The following FANCI variants were observed in gnomAD, a reference collection of about 807,000 sequenced individuals.
FANCI encodes the protein FA complementation group I, also known as Fanconi anemia group I protein.
A neutral mutation model predicts 176.1 loss-of-function variants in FANCI; 156 were observed. The observed-to-expected ratio is 0.89, with a 90% confidence interval of 0.78 to 1.01. The LOEUF (loss-of-function observed/expected upper bound fraction) is 1.01. Among genes scored for constraint, FANCI ranks in the 50% least tolerant of loss-of-function variants. The pLI is 0.00. For missense variants in FANCI, 1,678 were observed against 1,534.1 expected (o/e 1.09, Z -1.57); for synonymous variants, 613 against 541.7 (o/e 1.13, Z -1.83).
chr15:89,285,749 A>G (rs1353702656), intron 18 of FANCI, among the ~76,000 whole-genome samples: 1 of 151,778 alleles, frequency 6.6e-6, no homozygotes, highest in African/African-American at 2.4e-5. Flanking sequence ...TTGCTTTGTT[A>G]ATGATTACAA....
In FANCI at chr15:89,250,528, C is replaced by T. The variant is rs1194052806; in HGVS notation, c.84+2797C>T. Among the ~76,000 whole-genome samples, 4 of 139,038 alleles carry T rather than the reference C, an allele frequency of 2.9e-5. No homozygotes were observed. The East Asian group carries it at 8.5e-4, about 30-fold the overall frequency. 91.2% of individuals were successfully genotyped at this position (139,038 alleles called of 152,430 possible). On this transcript the variant is annotated intron_variant, in intron 2 of 37. Coordinates refer to ENST00000310775, the MANE Select transcript of FANCI (RefSeq NM_001113378.2). Reference sequence around the variant, plus strand: ...CTTGGACACGGGAATGGGAACATCACACACCGGGGCCTGTTGTGGAGTGAG... The same window carrying T: ...CTTGGACACGGGAATGGGAACATCATACACCGGGGCCTGTTGTGGAGTGAG...
intron 26 of FANCI, 56 bp from the exon 27 acceptor site, chr15:89,301,270 T>G: frequency 8.6e-7 from 1 of 1,163,366 alleles, no homozygotes; most frequent in Non-Finnish European, 1.3e-6. Flanking sequence ...TGCCTCTTCT[T>G]CCTGATAGGA....
At chr15:89,297,799 TG>T (rs1325917403) in intron 24 of FANCI, among the ~76,000 whole-genome samples, 1 of 147,880 alleles carries the variant, frequency 6.8e-6, no homozygotes, top group Non-Finnish European at 1.5e-5. Context: ...GGGGCTCGTT[TG>T]TTTTTTTGTT....
At chr15:89,246,986 GTC>G (rs992675790) in intron 1 of FANCI, among the ~76,000 whole-genome samples, 3 of 151,174 alleles carry the variant, frequency 2.0e-5, no homozygotes, top group Non-Finnish European at 4.4e-5. Flanking sequence ...AGCCAAAATG[GTC>G]TCGATCTCCT....
At chr15:89,287,945 A>G (rs1022570396) in intron 18 of FANCI, among the ~76,000 whole-genome samples, 4 of 152,220 alleles carry the variant, frequency 2.6e-5, no homozygotes, top group African/African-American at 9.7e-5. Flanking sequence ...CATAACACAT[A>G]CAATAATAAA....
chr15:89,268,338 T>C (rs1426072756), intron 9 of FANCI, 61 bp from the exon 10 acceptor site: 3 of 1,600,852 alleles, frequency 1.9e-6, no homozygotes, highest in Non-Finnish European at 2.6e-6. Flanking sequence ...CCCAAAGTGC[T>C]GGCATTACAG....
intron 1 of FANCI, among the ~76,000 whole-genome samples, chr15:89,246,310 T>C (rs1255669327): frequency 1.3e-5 from 2 of 152,232 alleles, no homozygotes; most frequent in Admixed American, 1.3e-4. Context: ...AATGGTCTCT[T>C]AGCATTTGCT....
rs1261890420 is a variant in FANCI at position 89,293,722 on chromosome 15, T to G, written c.2292-111T>G. ...AATGAAGTTCTATTCATTTATAATGTTACGTCTAAAATATGACATTTAAAG... is the reference window on the plus strand; with the variant it reads ...AATGAAGTTCTATTCATTTATAATGGTACGTCTAAAATATGACATTTAAAG... On this transcript the variant is annotated intron_variant, in intron 22 of 37. Coordinates refer to ENST00000310775, the MANE Select transcript of FANCI (RefSeq NM_001113378.2). 3.8e-6 allele frequency: 4 copies of G among 1,052,608 alleles called. No individual in the cohort carries two copies. In the African/African-American group the frequency reaches 6.4e-5, roughly 17 times the overall value. 65.2% of individuals were successfully genotyped at this position (1,052,608 alleles called of 1,614,324 possible).
chr15:89,255,473 C>G (rs2052451811), intron 2 of FANCI, among the ~76,000 whole-genome samples: 1 of 151,944 alleles, frequency 6.6e-6, no homozygotes, highest in Admixed American at 6.6e-5. Flanking sequence ...GGCAAAGGGA[C>G]AGGGTGGGGG....
At chr15:89,272,873 G>T (rs2053252669) in intron 10 of FANCI, among the ~76,000 whole-genome samples, 1 of 152,014 alleles carries the variant, frequency 6.6e-6, no homozygotes, top group South Asian at 2.1e-4. Flanking sequence ...CACCATGTTG[G>T]CCAGACTGAT....
chr15:89,269,634 C>G lies in FANCI; in HGVS notation c.882+1109C>G, dbSNP rs150764489. ...TACATTTTCTTGCAAGGGCCAGATACTAATATTTTACACTTTGCAGGCCAT... is the reference window on the plus strand; with the variant it reads ...TACATTTTCTTGCAAGGGCCAGATAGTAATATTTTACACTTTGCAGGCCAT... On this transcript the variant is annotated intron_variant, in intron 10 of 37. Transcript: ENST00000310775. Among the ~76,000 whole-genome samples, 859 of 152,264 alleles carry G rather than the reference C, an allele frequency of 5.6e-3. 2 individuals carry two copies. The highest frequency in any genetic ancestry group is 8.5e-3 in the Non-Finnish European group (581 of 68,016).
At chr15:89,262,078 T>A (rs879314195) in intron 6 of FANCI, among the ~76,000 whole-genome samples, 200 bp downstream of exon 6, 6 of 152,348 alleles carry the variant, frequency 3.9e-5, no homozygotes, top group Non-Finnish European at 8.8e-5. Flanking sequence ...AGACTGTTCA[T>A]ATAGTTTTAT....
chr15:89,273,300 T>C (rs2053269374), intron 10 of FANCI, 77 bp from the exon 11 acceptor site: 1 of 617,104 alleles, frequency 1.6e-6, no homozygotes. Context: ...AGACCCAATC[T>C]TTTTTTTTTT....
chr15:89,245,366 TTTTTG>T, intron 1 of FANCI: 1 of 120,550 alleles, frequency 8.3e-6, no homozygotes, highest in Admixed American at 8.1e-5. Context: ...TTTTTTTTTT[TTTTTG>T]TATTTTTAGT....
rs191202700 is a variant in FANCI at position 89,305,390 on chromosome 15, C to T, written c.3236C>T (p.Thr1079Met). The T allele has an allele frequency of 1.0e-4, 168 of 1,613,676 alleles. No homozygotes were observed. In the East Asian group the frequency reaches 1.7e-3, roughly 16 times the overall value. Residue 1079 changes from threonine (T) to methionine (M), a missense_variant, in exon 30 of 38, where the codon ACG becomes ATG. Thr to Met is a moderately conservative substitution (Grantham distance 81, BLOSUM62 -1). This residue lies in a region of FANCI where 1,204 missense variants were observed against 1,077.4 expected (regional missense o/e 1.12). Transcript: ENST00000310775. ...TNHFAIVNLR[T>M]AAPTVCLLVL... is the part of the protein sequence containing the mutation. ...CACTTTGCAATAGTGAATTTGAGAA[C>T]GGCTGCCCCCACTGTCTGTGTAAGT...
intron 2 of FANCI, among the ~76,000 whole-genome samples, chr15:89,253,512 A>T (rs2052353316): frequency 7.2e-6 from 1 of 138,582 alleles, no homozygotes; most frequent in African/African-American, 3.4e-5. Context: ...CTGTCTCTTA[A>T]AAATAAATAA....
At chr15:89,259,120 C>A in intron 3 of FANCI, 1 of 305,956 alleles carries the variant, frequency 3.3e-6, no homozygotes, top group Non-Finnish European at 6.3e-6. Context: ...GGGCAAGTAA[C>A]CTCTGGGGTT....
Position 89,260,698 on chromosome 15 carries a change from G to C in FANCI, c.158-15G>C, listed in dbSNP as rs769198126. The C allele has an allele frequency of 1.3e-5, 21 of 1,612,738 alleles. No individual in the cohort carries two copies. Among genetic ancestry groups the C allele is most frequent in the Non-Finnish European group, 1.6e-5 (19 of 1,179,326 alleles). ...TGTAAGACTTGTTTCTGAACCCCCTGTTTAAAACAATAAGGTTCCCCCTGC... is the reference window on the plus strand; with the variant it reads ...TGTAAGACTTGTTTCTGAACCCCCTCTTTAAAACAATAAGGTTCCCCCTGC... On this transcript the variant is annotated splice_polypyrimidine_tract_variant and intron_variant, in intron 3 of 37. Coordinates refer to ENST00000310775, the MANE Select transcript of FANCI (RefSeq NM_001113378.2).
In FANCI at chr15:89,300,299, G is replaced by C. The variant is rs2054480330; in HGVS notation, c.2804-1G>C. 1 of 1,612,706 alleles carries C rather than the reference G, an allele frequency of 6.2e-7. No homozygotes were observed. Among genetic ancestry groups the C allele is most frequent in the Non-Finnish European group, 8.5e-7 (1 of 1,178,848 alleles). ...GACAAGAGTTTCTTTTCCATTCCTA[G>C]ATGTCACAGATAAGGAAGGAGAAGA... On this transcript the variant is annotated splice_acceptor_variant, in intron 25 of 37. Coordinates refer to ENST00000310775, the MANE Select transcript of FANCI (RefSeq NM_001113378.2). LOFTEE classifies it high-confidence loss of function.
Sources: gnomAD v4.1 joint callset for allele counts (sites outside exome capture counted in the v4.1 genomes callset) on GRCh38, gnomAD v4.1.1 for gene constraint, gnomAD v4.1.1 regional missense constraint, MANE v1.5 for transcripts, NCBI Gene and HGNC (gene_info 2026-07-23, HGNC 2026-07-21) for gene names.